The following ACP7 variants were observed in gnomAD, a reference collection of about 807,000 sequenced individuals.
The protein encoded by ACP7 is acid phosphatase type 7.
ACP7 carries 58 observed loss-of-function variants against 60.6 expected under a neutral mutation model. The ratio of observed to expected loss-of-function variants is 0.96; its 90% CI spans 0.77 to 1.19. The LOEUF is 1.19. ACP7 is among the 50% of genes most tolerant of loss of function. The pLI, the probability that ACP7 is intolerant of heterozygous loss-of-function variation, is 0.00. For missense variants in ACP7, 574 were observed against 596.2 expected (o/e 0.96, Z 0.39); for synonymous variants, 237 against 232.6 (o/e 1.02, Z -0.17).
At chr19:39,098,401 C>G (rs948025099) in intron 2 of ACP7, 57 bp from the exon 3 acceptor site, 100 of 1,010,118 alleles carry the variant, frequency 9.9e-5, no homozygotes, top group Non-Finnish European at 1.1e-4. Context: ...TTCTGCATAT[C>G]CCTCCCACCC....
intron 2 of ACP7, among the ~76,000 whole-genome samples, chr19:39,097,346 T>C (rs2073278184): frequency 6.8e-6 from 1 of 147,722 alleles, no homozygotes; most frequent in Non-Finnish European, 1.5e-5. Flanking sequence ...GAGGTTGCAG[T>C]GAGCCGAGAA....
At chr19:39,090,779 C>G (rs1298235008) in intron 2 of ACP7, among the ~76,000 whole-genome samples, 1 of 147,140 alleles carries the variant, frequency 6.8e-6, no homozygotes, top group Non-Finnish European at 1.5e-5. Context: ...ACTCGCCCAG[C>G]CTTCCCACTT....
chr19:39,101,617 T>G, intron 11 of ACP7, 80 bp downstream of exon 11: 1 of 1,464,700 alleles, frequency 6.8e-7, no homozygotes, highest in Non-Finnish European at 9.3e-7. Flanking sequence ...GACTGAGTGC[T>G]GGGTGCTTTA....
Position 39,101,135 on chromosome 19 carries a change from A to G in ACP7, c.916-15A>G, listed in dbSNP as rs1363010289. On this transcript the variant is annotated splice_polypyrimidine_tract_variant and intron_variant, in intron 8 of 12. Transcript: ENST00000331256. ...CAGTCTGCGTCACCCTCACCCGCTC[A>G]TTCACCCTGCCCAGGTCCGCAAAGG... 6.2e-7 allele frequency: 1 copy of G among 1,613,858 alleles called. No homozygotes were observed. The highest frequency in any genetic ancestry group is 1.3e-5 in the African/African-American group (1 of 74,900).
At chr19:39,089,524 C>T (rs556528773) in intron 2 of ACP7, among the ~76,000 whole-genome samples, 1 of 152,138 alleles carries the variant, frequency 6.6e-6, no homozygotes. Context: ...AAGATTGGTA[C>T]AATCCTGTTA....
rs759137938 is a variant in ACP7, at chr19:39,100,634, G to T, written c.684G>T (p.Leu228=). The T allele has an allele frequency of 1.2e-6, 2 of 1,614,048 alleles. No individual in the cohort carries two copies. Among genetic ancestry groups the T allele is most frequent in the Non-Finnish European group, 1.7e-6 (2 of 1,179,976 alleles). The change falls in exon 6 of 13, where the codon CTG becomes CTT. Residue 228 remains leucine (L), a synonymous_variant. Transcript: ENST00000331256. ...RFSMPGDNEG[L]WYSWDLGPAH... ...GCATGCCGGGGGATAATGAGGGCCT[G>T]TGGTACAGGTAATGTGGGGGTGCTG...
chr19:39,101,239 C>A, intron 9 of ACP7, 32 bp downstream of exon 9: 2 of 1,614,162 alleles, frequency 1.2e-6, no homozygotes, highest in Non-Finnish European at 1.7e-6. Context: ...TGCCCCACAC[C>A]CCACCTCTCC....
chr19:39,110,259 C>T lies in ACP7; in HGVS notation c.*141C>T. On this transcript the variant is annotated 3_prime_UTR_variant, in exon 13 of 13. Coordinates refer to ENST00000331256, the MANE Select transcript of ACP7 (RefSeq NM_001004318.3). ...AGGCCCCATGTAGGGTACATGCAGC[C>T]CTATGGAGCTGGGGCAGCTGTTCCC... is the stretch of plus-strand genomic sequence containing the variant. 1 of 755,086 alleles carries T rather than the reference C, an allele frequency of 1.3e-6. No individual in the cohort carries two copies. The allele number at this position is 755,086 out of a possible 1,614,324, so 46.8% of individuals were successfully genotyped here.
At chr19:39,100,438 G>A (rs886338536) in intron 5 of ACP7, 88 bp downstream of exon 5, 32 of 1,602,198 alleles carry the variant, frequency 2.0e-5, no homozygotes, top group Non-Finnish European at 2.6e-5. Flanking sequence ...AGTCTCTCAT[G>A]CTGCAACATT....
At chr19:39,092,735 T>C (rs1365394476) in intron 2 of ACP7, among the ~76,000 whole-genome samples, 1 of 151,758 alleles carries the variant, frequency 6.6e-6, no homozygotes, top group East Asian at 1.9e-4. Flanking sequence ...GACCAGTGTC[T>C]CTGTTTCTTC....
rs751847383 is a variant in ACP7, at chr19:39,098,650, T to C, written c.314T>C (p.Val105Ala). The change falls in exon 3 of 13, where the codon GTT (valine) becomes GCT (alanine). Residue 105 changes from valine to alanine, a missense_variant. Coordinates refer to ENST00000331256, the MANE Select transcript of ACP7 (RefSeq NM_001004318.3). ...RVTLRKLLPGVQYVYRCGSAQ... is the reference protein window; with the variant it reads ...RVTLRKLLPGAQYVYRCGSAQ... Reference sequence around the variant, plus strand: ...ACGCTTCGCAAGCTGCTGCCAGGGGTTCAGTATGGTGAGAGGGGCCCCAGG... The same window carrying C: ...ACGCTTCGCAAGCTGCTGCCAGGGGCTCAGTATGGTGAGAGGGGCCCCAGG... 1 of 1,609,936 alleles carries C rather than the reference T, an allele frequency of 6.2e-7. No homozygotes were observed. The highest frequency in any genetic ancestry group is 8.5e-7 in the Non-Finnish European group (1 of 1,177,892).
intron 2 of ACP7, among the ~76,000 whole-genome samples, chr19:39,088,503 T>C (rs187109520): frequency 7.2e-5 from 11 of 152,322 alleles, no homozygotes; most frequent in Admixed American, 4.6e-4. Flanking sequence ...AGTGAGATCA[T>C]GGCTGTCCTT....
intron 4 of ACP7, 67 bp from the exon 5 acceptor site, chr19:39,100,160 C>A: frequency 6.3e-7 from 1 of 1,589,204 alleles, no homozygotes; most frequent in Non-Finnish European, 8.6e-7. Context: ...CCATACCTGG[C>A]TCTCTCAATT....
chr19:39,086,030 G>A (rs190090582), intron 2 of ACP7, among the ~76,000 whole-genome samples: 1 of 152,202 alleles, frequency 6.6e-6, no homozygotes, highest in East Asian at 1.9e-4. Flanking sequence ...ACCTGTAAAG[G>A]GGCAGAACTG....
chr19:39,095,173 G>T (rs1359348159), intron 2 of ACP7, among the ~76,000 whole-genome samples: 1 of 152,074 alleles, frequency 6.6e-6, no homozygotes, highest in Non-Finnish European at 1.5e-5. Flanking sequence ...AGTCTCCCAA[G>T]GTCTTAACTC....
chr19:39,100,935 G>T lies in ACP7; in HGVS notation c.808-14G>T. 6.2e-7 allele frequency: 1 copy of T among 1,612,470 alleles called. No homozygotes were observed. Among genetic ancestry groups the T allele is most frequent in the South Asian group, 1.1e-5 (1 of 91,062 alleles). ...CCTGACTCCTAGCCCCTCACCCTGG[G>T]CCCTTCTCCCTAGAAAGCCAATAAG... On this transcript the variant is annotated splice_polypyrimidine_tract_variant and intron_variant, in intron 7 of 12. Coordinates refer to ENST00000331256, the MANE Select transcript of ACP7 (RefSeq NM_001004318.3).
chr19:39,106,640 C>T (rs548530867), intron 11 of ACP7, among the ~76,000 whole-genome samples: 1 of 152,348 alleles, frequency 6.6e-6, no homozygotes, highest in Admixed American at 6.5e-5. Flanking sequence ...TATCCTGCCT[C>T]AGCTTCCCAA....
intron 2 of ACP7, among the ~76,000 whole-genome samples, chr19:39,086,732 A>C (rs562551944): frequency 2.0e-5 from 3 of 152,176 alleles, no homozygotes; most frequent in Non-Finnish European, 2.9e-5. Flanking sequence ...TAAACTGTTA[A>C]TCTCAGGACC....
chr19:39,086,623 C>T (rs546562258), intron 2 of ACP7, among the ~76,000 whole-genome samples: 2 of 119,134 alleles, frequency 1.7e-5, no homozygotes, highest in Admixed American at 1.2e-4. Flanking sequence ...GAATGAGGCC[C>T]TGTCTCAAAA....
Sources: gnomAD v4.1 joint callset for allele counts (sites outside exome capture counted in the v4.1 genomes callset) on GRCh38, gnomAD v4.1.1 for gene constraint, MANE v1.5 for transcripts, NCBI Gene and HGNC (gene_info 2026-07-23, HGNC 2026-07-21) for gene names.